The following ROBO2 variants were observed in gnomAD, a reference collection of about 807,000 sequenced individuals.
The protein encoded by ROBO2 is roundabout homolog 2.
Under a neutral mutation model 160.8 loss-of-function variants are expected in ROBO2, and 53 were observed. The ratio of observed to expected loss-of-function variants is 0.33; its 90% CI spans 0.26 to 0.41. The LOEUF (loss-of-function observed/expected upper bound fraction) is 0.41. ROBO2 is among the 10% of genes least tolerant of loss of function. The pLI is 1.00. For synonymous variants in ROBO2, 664 were observed against 611.7 expected, an observed-to-expected ratio of 1.09 and a Z score of -1.26; for missense variants, 1,577 against 1,722.4, an observed-to-expected ratio of 0.92 and a Z score of 1.49.
chr3:76,269,373 C>T (rs541918232), intron 2 of ROBO2, among the ~76,000 whole-genome samples: 1 of 151,998 alleles, frequency 6.6e-6, no homozygotes. Flanking sequence ...CTTCTTGAAG[C>T]TCTTTCTTCT....
chr3:76,413,715 C>T (rs1326329631), intron 2 of ROBO2, among the ~76,000 whole-genome samples: 1 of 152,160 alleles, frequency 6.6e-6, no homozygotes, highest in Non-Finnish European at 1.5e-5. Flanking sequence ...TTGGGTAAAG[C>T]CATTCAACAC....
rs141302616 is a variant in ROBO2, at chr3:76,464,874, G to C, written c.109+527272G>C. The stretch of plus-strand genomic sequence containing the variant: ...TCCTCAGTATCTTATGACTCTCCTA[G>C]ATAAACCATTTCTTCCATTCATCTC... On this transcript the variant is annotated intron_variant, in intron 2 of 26. Transcript: ENST00000487694. Among the ~76,000 whole-genome samples, 513 of 152,010 alleles carry C rather than the reference G, an allele frequency of 3.4e-3. 5 individuals are homozygous for C. Among genetic ancestry groups the C allele is most frequent in the African/African-American group, 0.012 (496 of 41,492 alleles).
chr3:77,213,676 G>A (rs2084505543), intron 2 of ROBO2, among the ~76,000 whole-genome samples: 2 of 152,020 alleles, frequency 1.3e-5, no homozygotes, highest in African/African-American at 4.8e-5. Context: ...ATTTTAGGGT[G>A]TCAATTTTAG....
At chr3:75,957,194 C>T (rs73125222) in intron 2 of ROBO2, among the ~76,000 whole-genome samples, 1 of 150,720 alleles carries the variant, frequency 6.6e-6, no homozygotes, top group Non-Finnish European at 1.5e-5. Context: ...GTTGGAATTC[C>T]AGGTAACTGT....
chr3:77,310,844 G>A (rs2063484321), intron 2 of ROBO2, among the ~76,000 whole-genome samples: 2 of 126,432 alleles, frequency 1.6e-5, no homozygotes, highest in Non-Finnish European at 3.7e-5. Context: ...GTAGTTTTGA[G>A]CTTTAAGTGA....
At chr3:76,535,478 G>A (rs1233417376) in intron 2 of ROBO2, among the ~76,000 whole-genome samples, 1 of 151,954 alleles carries the variant, frequency 6.6e-6, no homozygotes, top group African/African-American at 2.4e-5. Flanking sequence ...AGGAGTAGAG[G>A]TATCCCATAC....
chr3:77,016,353 A>G (rs1161649265), intron 2 of ROBO2, among the ~76,000 whole-genome samples: 1 of 152,098 alleles, frequency 6.6e-6, no homozygotes, highest in Non-Finnish European at 1.5e-5. Flanking sequence ...GCCACTGTAA[A>G]TCAGATCCAT....
intron 2 of ROBO2, among the ~76,000 whole-genome samples, chr3:77,179,120 AT>A (rs148797226): frequency 6.6e-6 from 1 of 151,404 alleles, no homozygotes; most frequent in Non-Finnish European, 1.5e-5. Flanking sequence ...ATGAAAGGCT[AT>A]TTTTTTTTAA....
At chr3:76,858,431 T>A (rs764104407) in intron 2 of ROBO2, among the ~76,000 whole-genome samples, 1 of 152,082 alleles carries the variant, frequency 6.6e-6, no homozygotes, top group African/African-American at 2.4e-5. Flanking sequence ...ACGTGGCTAA[T>A]TTTTTGTATT....
intron 2 of ROBO2, among the ~76,000 whole-genome samples, chr3:77,262,831 C>T (rs776259392): frequency 7.2e-5 from 11 of 152,126 alleles, no homozygotes; most frequent in Non-Finnish European, 1.3e-4. Context: ...AAGTCTGAGA[C>T]AGCAGAGGTT....
intron 5 of ROBO2, among the ~76,000 whole-genome samples, chr3:77,518,591 G>A (rs965278727): frequency 1.3e-5 from 2 of 151,422 alleles, no homozygotes; most frequent in African/African-American, 4.8e-5. Context: ...AGCCAAGGAG[G>A]TAGCTCTGAT....
At chr3:76,247,844 A>G (rs1428626720) in intron 2 of ROBO2, among the ~76,000 whole-genome samples, 1 of 152,036 alleles carries the variant, frequency 6.6e-6, no homozygotes, top group East Asian at 1.9e-4. Context: ...ATGAACAGAC[A>G]CTTCTCAAAA....
intron 2 of ROBO2, among the ~76,000 whole-genome samples, chr3:77,417,633 T>A (rs1005916672): frequency 2.3e-4 from 35 of 152,162 alleles, no homozygotes; most frequent in African/African-American, 8.2e-4. Flanking sequence ...CACTTTAGTC[T>A]ATGGATTCAA....
At chr3:76,975,968 C>G (rs1310339983) in intron 2 of ROBO2, among the ~76,000 whole-genome samples, 1 of 152,130 alleles carries the variant, frequency 6.6e-6, no homozygotes, top group Non-Finnish European at 1.5e-5. Context: ...ATGGAATAGA[C>G]ATTCCTAAAA....
chr3:77,330,558 T>A (rs2065876083), intron 2 of ROBO2, among the ~76,000 whole-genome samples: 1 of 152,198 alleles, frequency 6.6e-6, no homozygotes, highest in South Asian at 2.1e-4. Context: ...ATACTTATAC[T>A]TGAGTAGCAG....
chr3:76,325,576 T>G (rs1326933868), intron 2 of ROBO2, among the ~76,000 whole-genome samples: 1 of 152,170 alleles, frequency 6.6e-6, no homozygotes, highest in Non-Finnish European at 1.5e-5. Context: ...GGTTGTAGCC[T>G]GGATTATGAA....
intron 2 of ROBO2, among the ~76,000 whole-genome samples, chr3:77,160,636 A>T (rs781313701): frequency 6.6e-6 from 1 of 152,170 alleles, no homozygotes; most frequent in Non-Finnish European, 1.5e-5. Flanking sequence ...CTGTGGCGAA[A>T]CCATTTAGAC....
At chr3:77,413,435 T>A (rs998128646) in intron 2 of ROBO2, among the ~76,000 whole-genome samples, 2 of 151,780 alleles carry the variant, frequency 1.3e-5, no homozygotes, top group African/African-American at 4.8e-5. Flanking sequence ...GGTCATGGAG[T>A]CTCTTTGGGA....
At chr3:77,223,643 A>G (rs2086114913) in intron 2 of ROBO2, among the ~76,000 whole-genome samples, 1 of 152,078 alleles carries the variant, frequency 6.6e-6, no homozygotes, top group Non-Finnish European at 1.5e-5. Context: ...TTTAGTAAAT[A>G]TATCTGTGCT....
Sources: gnomAD v4.1 joint callset for allele counts (sites outside exome capture counted in the v4.1 genomes callset) on GRCh38, gnomAD v4.1.1 for gene constraint, MANE v1.5 for transcripts, NCBI Gene and HGNC (gene_info 2026-07-23, HGNC 2026-07-21) for gene names.